Variants in SGCZ observed in about 807,000 individuals in gnomAD.
The protein encoded by SGCZ is zeta-sarcoglycan.
In SGCZ, 40 loss-of-function variants were observed where a neutral mutation model predicts 41.3. The ratio of observed to expected loss-of-function variants is 0.97; its 90% CI spans 0.75 to 1.26. The LOEUF is 1.26. Ranked by LOEUF, SGCZ falls within the 50% of genes most tolerant of loss-of-function variation. The pLI is 0.00. For synonymous variants in SGCZ, 206 were observed against 137.5 expected (o/e 1.50, Z -3.49); for missense variants, 552 against 369.8 (o/e 1.49, Z -4.04).
chr8:14,186,618 T>C (rs893841063), intron 4 of SGCZ, among the ~76,000 whole-genome samples: 1 of 152,118 alleles, frequency 6.6e-6, no homozygotes, highest in South Asian at 2.1e-4. Context: ...AACTTACCAC[T>C]TTTTCTGCTT....
At chr8:14,665,588 CAAGTGTTCAAT>C (rs1807884834) in intron 1 of SGCZ, among the ~76,000 whole-genome samples, 1 of 152,202 alleles carries the variant, frequency 6.6e-6, no homozygotes, top group Admixed American at 6.5e-5. Context: ...TGCAACAGAA[CAAGTGTTCAAT>C]AGACATTAGA....
rs113010477 is a variant in SGCZ, at chr8:14,324,224, G to C, written c.235-20C>G. On this transcript the variant is annotated intron_variant, in intron 2 of 7. Coordinates refer to ENST00000382080, the MANE Select transcript of SGCZ (RefSeq NM_139167.4). ...ACCATCCTACAAGCAATGAAATATA[G>C]TTCACTTTTAGGTTAATTGGAGAAT... 3.8e-6 allele frequency: 6 copies of C among 1,569,868 alleles called. No homozygotes were observed. Among genetic ancestry groups the C allele is most frequent in the Non-Finnish European group, 5.3e-6 (6 of 1,141,252 alleles).
At chr8:14,163,044 A>G (rs1227433958) in intron 5 of SGCZ, among the ~76,000 whole-genome samples, 1 of 151,912 alleles carries the variant, frequency 6.6e-6, no homozygotes, top group Non-Finnish European at 1.5e-5. Context: ...TTAATTTTCA[A>G]AAATTTTGGT....
chr8:14,360,131 G>A (rs931442004), intron 2 of SGCZ, among the ~76,000 whole-genome samples: 2 of 151,992 alleles, frequency 1.3e-5, no homozygotes, highest in African/African-American at 2.4e-5. Context: ...AAAAAGCCAC[G>A]TGCAACAGAC....
At chr8:14,751,659 G>A (rs1018806549) in intron 1 of SGCZ, among the ~76,000 whole-genome samples, 10 of 152,070 alleles carry the variant, frequency 6.6e-5, no homozygotes, top group South Asian at 2.1e-4. Flanking sequence ...TAAAACCTGA[G>A]AGGATTTGCC....
intron 2 of SGCZ, among the ~76,000 whole-genome samples, chr8:14,429,718 A>G (rs991612318): frequency 1.3e-5 from 2 of 152,182 alleles, no homozygotes; most frequent in Admixed American, 1.3e-4. Context: ...GACAAAACAC[A>G]GTTCTACCAT....
chr8:15,025,827 G>A (rs975650625), intron 1 of SGCZ, among the ~76,000 whole-genome samples: 5 of 152,152 alleles, frequency 3.3e-5, no homozygotes, highest in African/African-American at 1.2e-4. Context: ...AACTCTACAT[G>A]TAAAGTAATC....
intron 1 of SGCZ, among the ~76,000 whole-genome samples, chr8:14,577,203 T>C (rs946698089): frequency 6.6e-6 from 1 of 152,122 alleles, no homozygotes; most frequent in East Asian, 1.9e-4. Flanking sequence ...TTAGTATCCA[T>C]TCAGTAACAA....
At chr8:14,181,953 T>G (rs990849545) in intron 4 of SGCZ, among the ~76,000 whole-genome samples, 120 of 152,288 alleles carry the variant, frequency 7.9e-4, no homozygotes, top group African/African-American at 2.8e-3. Context: ...TTAACCCAAT[T>G]AGGTTTCTCT....
chr8:15,090,324 A>G (rs1362348904), intron 1 of SGCZ, among the ~76,000 whole-genome samples: 1 of 152,214 alleles, frequency 6.6e-6, no homozygotes, highest in Admixed American at 6.5e-5. Flanking sequence ...TTAACACTTG[A>G]GGTTTGACTT....
At chr8:15,034,582 G>T (rs1803802204) in intron 1 of SGCZ, among the ~76,000 whole-genome samples, 6 of 152,160 alleles carry the variant, frequency 3.9e-5, no homozygotes, top group Admixed American at 3.3e-4. Context: ...TCTGAAGAAT[G>T]ATGTAAATAT....
intron 1 of SGCZ, among the ~76,000 whole-genome samples, chr8:14,731,470 C>A (rs1025115256): frequency 6.6e-6 from 1 of 152,030 alleles, no homozygotes; most frequent in Non-Finnish European, 1.5e-5. Flanking sequence ...ACCACCATGG[C>A]ACGTGTATAC....
chr8:15,179,170 C>T (rs1025597367), intron 1 of SGCZ, among the ~76,000 whole-genome samples: 2 of 151,804 alleles, frequency 1.3e-5, no homozygotes, highest in Non-Finnish European at 2.9e-5. Context: ...TAATAATTAA[C>T]CTGTTTAAGT....
At chr8:14,146,155 A>G (rs749104653) in intron 5 of SGCZ, among the ~76,000 whole-genome samples, 2 of 152,186 alleles carry the variant, frequency 1.3e-5, no homozygotes, top group East Asian at 1.9e-4. Context: ...TTAGTTATCA[A>G]ACTCTCAAAA....
At chr8:14,479,727 A>T (rs1208068303) in intron 2 of SGCZ, among the ~76,000 whole-genome samples, 52 of 109,306 alleles carry the variant, frequency 4.8e-4, no homozygotes, top group Middle Eastern at 4.3e-3. Context: ...CCAGAATTCT[A>T]CTTCTTTTTT....
intron 1 of SGCZ, among the ~76,000 whole-genome samples, chr8:14,694,542 C>G (rs1350112134): frequency 6.6e-6 from 1 of 152,106 alleles, no homozygotes; most frequent in Non-Finnish European, 1.5e-5. Context: ...GATCCTAGGA[C>G]TCAATAAACT....
chr8:15,028,677 A>C (rs1803545592), intron 1 of SGCZ, among the ~76,000 whole-genome samples: 1 of 152,092 alleles, frequency 6.6e-6, no homozygotes, highest in Non-Finnish European at 1.5e-5. Context: ...AGAAATGCTA[A>C]GTACATTGAT....
intron 1 of SGCZ, among the ~76,000 whole-genome samples, chr8:14,986,323 T>G (rs1035380231): frequency 3.3e-5 from 5 of 152,060 alleles, no homozygotes; most frequent in African/African-American, 4.8e-5. Context: ...TTACAGTAAA[T>G]TGTAGAAAAG....
intron 2 of SGCZ, among the ~76,000 whole-genome samples, chr8:14,329,637 G>A (rs1166800298): frequency 6.6e-6 from 1 of 152,010 alleles, no homozygotes; most frequent in African/African-American, 2.4e-5. Flanking sequence ...GTATAGATCT[G>A]TGTCCTCCAT....
Sources: gnomAD v4.1 joint callset for allele counts (sites outside exome capture counted in the v4.1 genomes callset) on GRCh38, gnomAD v4.1.1 for gene constraint, MANE v1.5 for transcripts, NCBI Gene and HGNC (gene_info 2026-07-23, HGNC 2026-07-21) for gene names.